Variants in COL9A2 observed in about 807,000 individuals in gnomAD.
The protein encoded by COL9A2 is collagen alpha-2(IX) chain.
In COL9A2, 66 loss-of-function variants were observed where a neutral mutation model predicts 111.6. The observed-to-expected ratio is 0.59, with a 90% CI of 0.48 to 0.73. The LOEUF is 0.73. Among genes scored for constraint, COL9A2 ranks in the 30% least tolerant of loss-of-function variants. The pLI is 0.00. For synonymous variants in COL9A2, 353 were observed against 364.1 expected (o/e 0.97, Z 0.35); for missense variants, 881 against 954.1 (o/e 0.92, Z 1.01).
intron 2 of COL9A2, 193 bp downstream of exon 2, chr1:40,315,394 GCTC>G: frequency 7.1e-7 from 1 of 1,400,724 alleles, no homozygotes; most frequent in Non-Finnish European, 9.3e-7. Context: ...GCTATAACGG[GCTC>G]CGCATGTCAG....
At position 40,312,908 on chromosome 1, in the gene COL9A2, C is replaced by A; in HGVS notation, c.250-124G>T. On this transcript the variant is annotated intron_variant, in intron 4 of 31. Coordinates refer to ENST00000372748, the MANE Select transcript of COL9A2 (RefSeq NM_001852.4). This position sits in a 1 kb window ranked among gnomAD's most constrained non-coding sequence, Gnocchi z 6.0. ...TCCTTTTTGCCACACCTCATGAAGGCCTAGGAACCTCCACACCTTTCTTTC... is the reference window on the plus strand; with the variant it reads ...TCCTTTTTGCCACACCTCATGAAGGACTAGGAACCTCCACACCTTTCTTTC... 1.3e-6 allele frequency: 1 copy of A among 765,704 alleles called. No individual in the cohort carries two copies. The highest frequency in any genetic ancestry group is 1.5e-5 in the South Asian group (1 of 65,738). 47.4% of individuals were successfully genotyped at this position (765,704 alleles called of 1,614,324 possible).
At position 40,316,581 on chromosome 1, in the gene COL9A2, C is replaced by G; in HGVS notation, c.75+542G>C. On this transcript the variant is annotated intron_variant, in intron 1 of 31. Coordinates refer to ENST00000372748, the MANE Select transcript of COL9A2 (RefSeq NM_001852.4). The surrounding 1 kb of genome is among the most constrained non-coding windows in gnomAD (Gnocchi z 5.5). Reference sequence around the variant, plus strand: ...CACGACCTCCCCAGGCCGCGAAGTGCCAGGCTGGCGCCCCGCAGGCGAGCT... The same window carrying G: ...CACGACCTCCCCAGGCCGCGAAGTGGCAGGCTGGCGCCCCGCAGGCGAGCT... 1 of 454,556 alleles carries G rather than the reference C, an allele frequency of 2.2e-6. No homozygotes were observed. Among genetic ancestry groups the G allele is most frequent in the Non-Finnish European group, 4.4e-6 (1 of 225,920 alleles). The allele number at this position is 454,556 out of a possible 1,614,324, so 28.2% of individuals were successfully genotyped here. A position where few individuals can be genotyped will look rare whatever the true frequency, so the allele number is the denominator to read the frequency against.
At position 40,316,591 on chromosome 1, in the gene COL9A2, G is replaced by T. The variant is rs890750725; in HGVS notation, c.75+532C>A. ...CCAGGCCGCGAAGTGCCAGGCTGGC[G>T]CCCCGCAGGCGAGCTCGAAACCACA... On this transcript the variant is annotated intron_variant, in intron 1 of 31. Coordinates refer to ENST00000372748, the MANE Select transcript of COL9A2 (RefSeq NM_001852.4). The surrounding 1 kb of genome is among the most constrained non-coding windows in gnomAD (Gnocchi z 5.5). 6.6e-6 allele frequency: 3 copies of T among 454,490 alleles called. No homozygotes were observed. Among genetic ancestry groups the T allele is most frequent in the African/African-American group, 6.1e-5 (3 of 49,420 alleles). The allele number at this position is 454,490 out of a possible 1,614,324, so 28.2% of individuals were successfully genotyped here. A position where few individuals can be genotyped will look rare whatever the true frequency, so the allele number is the denominator to read the frequency against.
rs1182419171 is a variant in COL9A2 at position 40,309,956 on chromosome 1, A to G, written c.828T>C (p.Ala276=). The G allele has an allele frequency of 6.2e-7, 1 of 1,613,964 alleles. No individual in the cohort carries two copies. Among genetic ancestry groups the G allele is most frequent in the African/African-American group, 1.3e-5 (1 of 75,012 alleles). The change falls in exon 16 of 32, where the codon GCT becomes GCC. Residue 276 remains alanine (A), a synonymous_variant. Transcript: ENST00000372748. ...EEGPRGPPGR[A]GEKGDEGSPG... The stretch of plus-strand genomic sequence containing the variant: ...GACTCACCTCGTCACCCTTCTCCCC[A>G]GCTCGGCCTGGCGGTCCCCTAGGAC...
At position 40,310,856 on chromosome 1, in the gene COL9A2, A is replaced by C; in HGVS notation, c.631-89T>G. ...AAAGATACCACCTCTTTTCCCCAGC[A>C]CAAGCAGACGGGAGGGACTACTACG... is the stretch of plus-strand genomic sequence containing the variant. On this transcript the variant is annotated intron_variant, in intron 12 of 31. Transcript: ENST00000372748. The surrounding 1 kb of genome is among the most constrained non-coding windows in gnomAD (Gnocchi z 4.9). 2.5e-6 allele frequency: 3 copies of C among 1,200,202 alleles called. No homozygotes were observed. Among genetic ancestry groups the C allele is most frequent in the Non-Finnish European group, 2.4e-6 (2 of 829,088 alleles). 74.3% of individuals were successfully genotyped at this position (1,200,202 alleles called of 1,614,324 possible).
chr1:40,315,476 C>T (rs1367331577), intron 2 of COL9A2, 114 bp downstream of exon 2: 4 of 1,467,042 alleles, frequency 2.7e-6, no homozygotes, highest in South Asian at 1.4e-5. Context: ...CTATTGGCGA[C>T]GAGGGGCACT....
intron 16 of COL9A2, 28 bp downstream of exon 16, chr1:40,309,910 A>C: frequency 6.2e-7 from 1 of 1,612,568 alleles, no homozygotes. Context: ...AGGGGTCCTG[A>C]CTGAACAATG....
rs190129497 is a variant in COL9A2, at chr1:40,311,176, G to T, written c.577-30C>A. ...AGGGAAGGAGAGAGCTCAATACGAG[G>T]TCCCCTCCTGTCACCTGCACCACCC... On this transcript the variant is annotated intron_variant, in intron 11 of 31. Coordinates refer to ENST00000372748, the MANE Select transcript of COL9A2 (RefSeq NM_001852.4). The surrounding 1 kb of genome is among the most constrained non-coding windows in gnomAD (Gnocchi z 5.1). The T allele has an allele frequency of 3.7e-4, 594 of 1,614,176 alleles. 4 individuals are homozygous for T. The Admixed American group carries it at 9.1e-3, about 25-fold the overall frequency.
rs1644113664 is a variant in COL9A2, at chr1:40,310,955, G to A, written c.630+138C>T. On this transcript the variant is annotated intron_variant, in intron 12 of 31. Transcript: ENST00000372748. The surrounding 1 kb of genome is among the most constrained non-coding windows in gnomAD (Gnocchi z 4.9). ...ATGACCAGAGACATGCCGACCTGGAGCACAGGCCTCCAGCCCCCGGCTCAA... is the reference window on the plus strand; with the variant it reads ...ATGACCAGAGACATGCCGACCTGGAACACAGGCCTCCAGCCCCCGGCTCAA... The A allele has an allele frequency of 8.1e-7, 1 of 1,234,424 alleles. No homozygotes were observed. The highest frequency in any genetic ancestry group is 1.5e-5 in the African/African-American group (1 of 67,068). The allele number at this position is 1,234,424 out of a possible 1,614,324, so 76.5% of individuals were successfully genotyped here.
At position 40,307,731 on chromosome 1, in the gene COL9A2, T is replaced by C; in HGVS notation, c.926A>G (p.Asp309Gly). 2 of 1,614,164 alleles carry C rather than the reference T, an allele frequency of 1.2e-6. No homozygotes were observed. The highest frequency in any genetic ancestry group is 1.7e-6 in the Non-Finnish European group (2 of 1,180,024). ...CATGCCAGGCGTGCCTGGGGTCCCA[T>C]CCTTGCCGTTGATGCCTGGGGGGCC... ...ATGPPGINGK[D>G]GTPGTPGMKG... Residue 309 changes from aspartate to glycine, a missense_variant, in exon 18 of 32, where the codon GAT (aspartate) becomes GGT (glycine). Transcript: ENST00000372748. This position sits in a 1 kb window ranked among gnomAD's most constrained non-coding sequence, Gnocchi z 4.8.
In COL9A2 at chr1:40,304,345, C is replaced by A. The variant is rs749161798; in HGVS notation, c.1262G>T (p.Gly421Val). 6.4e-7 allele frequency: 1 copy of A among 1,572,530 alleles called. No homozygotes were observed. Among genetic ancestry groups the A allele is most frequent in the South Asian group, 1.2e-5 (1 of 86,228 alleles). ...QGPPGIPGPQ[G>V]LPGVKGDKGS... is the part of the protein sequence containing the mutation. ...CTTGTCTCCTTTGACGCCTGGCAAG[C>A]CTTGGGGCCCTGGAATTCCGGGGGG... Residue 421 changes from glycine (G) to valine (V), a missense_variant, in exon 24 of 32, where the codon GGC (glycine) becomes GTC (valine). Transcript: ENST00000372748.
rs143965571 is a variant in COL9A2, at chr1:40,311,543, C to T, written c.476G>A (p.Arg159His). 1.2e-6 allele frequency: 2 copies of T among 1,613,620 alleles called. No homozygotes were observed. The highest frequency in any genetic ancestry group is 1.3e-5 in the African/African-American group (1 of 74,866). ...GPPGPPGKPG[R>H]PGTIQGLEGS... ...TTCCAGACCCTGGATGGTTCCCGGG[C>T]GACCCTGAGAGGAGACATGAAGATG... The change falls in exon 10 of 32, where the codon CGC becomes CAC. Residue 159 changes from arginine (R) to histidine (H), a missense_variant. Transcript: ENST00000372748. This position sits in a 1 kb window ranked among gnomAD's most constrained non-coding sequence, Gnocchi z 5.1.
intron 4 of COL9A2, among the ~76,000 whole-genome samples, chr1:40,313,908 C>T (rs959499735): frequency 6.6e-6 from 1 of 151,960 alleles, no homozygotes; most frequent in Non-Finnish European, 1.5e-5. Flanking sequence ...TCAGCCTGAT[C>T]CTTGGAGGCC....
rs1420671084 is a variant in COL9A2 at position 40,304,001 on chromosome 1, C to T, written c.1324-29G>A. The stretch of plus-strand genomic sequence containing the variant: ...CAGAGAGAACCACGGGTCAGACGCG[C>T]GGTGGCGGCGGGGACGCAGAGCAGG... On this transcript the variant is annotated intron_variant, in intron 25 of 31. Transcript: ENST00000372748. The T allele has an allele frequency of 3.2e-6, 5 of 1,569,308 alleles. No individual in the cohort carries two copies. The South Asian group carries it at 5.8e-5, about 18-fold the overall frequency.
Position 40,311,564 on chromosome 1 carries a change from A to C in COL9A2, c.472-17T>G. 6.2e-7 allele frequency: 1 copy of C among 1,613,864 alleles called. No individual in the cohort carries two copies. Among genetic ancestry groups the C allele is most frequent in the Non-Finnish European group, 8.5e-7 (1 of 1,179,946 alleles). On this transcript the variant is annotated splice_polypyrimidine_tract_variant and intron_variant, in intron 9 of 31. Coordinates refer to ENST00000372748, the MANE Select transcript of COL9A2 (RefSeq NM_001852.4). This position sits in a 1 kb window ranked among gnomAD's most constrained non-coding sequence, Gnocchi z 5.1. Reference sequence around the variant, plus strand: ...CGGGCGACCCTGAGAGGAGACATGAAGATGGAGCTTGGCCTGACCCTTTCC... The same window carrying C: ...CGGGCGACCCTGAGAGGAGACATGACGATGGAGCTTGGCCTGACCCTTTCC...
Position 40,303,839 on chromosome 1 carries a change from C to T in COL9A2, c.1369G>A (p.Gly457Ser). ...AGLPGEKGEK[G>S]ESGEPGPKGQ... ...TTGGGCCCCGGCTCGCCGGACTCGC[C>T]CTGCAGGCACAAGGAGCAGCGGTCA... is the stretch of plus-strand genomic sequence containing the variant. Residue 457 changes from glycine (G) to serine (S), a missense_variant and splice_region_variant, in exon 27 of 32, where the codon GGC becomes AGC. Physicochemically the swap from Gly to Ser is moderately conservative, Grantham distance 56. Coordinates refer to ENST00000372748, the MANE Select transcript of COL9A2 (RefSeq NM_001852.4). The surrounding 1 kb of genome is among the most constrained non-coding windows in gnomAD (Gnocchi z 4.6). 6.4e-7 allele frequency: 1 copy of T among 1,558,010 alleles called. No homozygotes were observed. The highest frequency in any genetic ancestry group is 1.2e-5 in the South Asian group (1 of 84,622).
intron 2 of COL9A2, 69 bp downstream of exon 2, chr1:40,315,521 C>G: frequency 6.6e-7 from 1 of 1,518,916 alleles, no homozygotes; most frequent in Non-Finnish European, 8.9e-7. Flanking sequence ...CCACCCCCAC[C>G]ACAGCGCTCA....
At position 40,312,546 on chromosome 1, in the gene COL9A2, C is replaced by T. The variant is rs377658198; in HGVS notation, c.339+28G>A. 1.9e-5 allele frequency: 31 copies of T among 1,613,922 alleles called. No homozygotes were observed. The African/African-American group carries it at 2.8e-4, about 15-fold the overall frequency. On this transcript the variant is annotated intron_variant, in intron 6 of 31. Transcript: ENST00000372748. This position sits in a 1 kb window ranked among gnomAD's most constrained non-coding sequence, Gnocchi z 6.0. The stretch of plus-strand genomic sequence containing the variant: ...GCAGGTCCCCTCTCCCCCAAGAGTC[C>T]CTCGAAGCCCTTGCAGGTTGTACTC...
At position 40,310,220 on chromosome 1, in the gene COL9A2, G is replaced by A. The variant is rs377368671; in HGVS notation, c.738+44C>T. On this transcript the variant is annotated intron_variant, in intron 14 of 31. Transcript: ENST00000372748. The surrounding 1 kb of genome is among the most constrained non-coding windows in gnomAD (Gnocchi z 4.9). Reference sequence around the variant, plus strand: ...CTGGCTGAACTCCAGGGGCCAGAAGGCAGCTCCTGGAAGCTCTTGTAGAAC... The same window carrying A: ...CTGGCTGAACTCCAGGGGCCAGAAGACAGCTCCTGGAAGCTCTTGTAGAAC... 5 of 1,612,884 alleles carry A rather than the reference G, an allele frequency of 3.1e-6. No homozygotes were observed. Among genetic ancestry groups the A allele is most frequent in the Non-Finnish European group, 4.2e-6 (5 of 1,178,956 alleles).
Sources: gnomAD v4.1 joint callset for allele counts (sites outside exome capture counted in the v4.1 genomes callset) on GRCh38, gnomAD v4.1.1 for gene constraint, Gnocchi (gnomAD v3.1) non-coding constraint, MANE v1.5 for transcripts, NCBI Gene and HGNC (gene_info 2026-07-23, HGNC 2026-07-21) for gene names.